UNC5D: variants seen among roughly 807,000 people sequenced by gnomAD.
UNC5D encodes netrin receptor UNC5D.
UNC5D carries 39 observed loss-of-function variants against 105.4 expected under a neutral mutation model. The ratio of observed to expected loss-of-function variants is 0.37; its 90% CI spans 0.29 to 0.48. The LOEUF (loss-of-function observed/expected upper bound fraction) is 0.48, where lower values mean the gene tolerates loss of function less well. Among genes scored for constraint, UNC5D ranks in the 20% least tolerant of loss-of-function variants. The pLI is 0.98. For missense variants in UNC5D, 991 were observed against 1,202.4 expected (o/e 0.82, Z 2.60); for synonymous variants, 452 against 450.4 (o/e 1.00, Z -0.04).
chr8:35,378,446 C>T (rs1292821853), intron 1 of UNC5D, among the ~76,000 whole-genome samples: 1 of 152,132 alleles, frequency 6.6e-6, no homozygotes, highest in Non-Finnish European at 1.5e-5. Context: ...GTGCTTCAAG[C>T]ATTTTTGCAA....
chr8:35,577,196 A>G (rs1041923576), intron 3 of UNC5D, among the ~76,000 whole-genome samples: 2 of 152,230 alleles, frequency 1.3e-5, no homozygotes, highest in Non-Finnish European at 2.9e-5. Flanking sequence ...CATAACTAGT[A>G]TCATTATCAA....
chr8:35,384,084 C>T (rs1803218191), intron 1 of UNC5D, among the ~76,000 whole-genome samples: 2 of 151,830 alleles, frequency 1.3e-5, no homozygotes, highest in Admixed American at 6.6e-5. Context: ...GGCATGGTGG[C>T]GGGCACCTGT....
At chr8:35,249,931 T>G (rs1803577950) in intron 1 of UNC5D, among the ~76,000 whole-genome samples, 1 of 152,114 alleles carries the variant, frequency 6.6e-6, no homozygotes, top group Non-Finnish European at 1.5e-5. Context: ...AGCCATTTTT[T>G]TTTTTCAAAA....
At chr8:35,325,154 A>G (rs1328681123) in intron 1 of UNC5D, among the ~76,000 whole-genome samples, 3 of 152,192 alleles carry the variant, frequency 2.0e-5, no homozygotes, top group African/African-American at 7.2e-5. Context: ...GAGGGAAATG[A>G]CAAAGCATTC....
intron 1 of UNC5D, among the ~76,000 whole-genome samples, chr8:35,470,366 A>T (rs1456020995): frequency 6.6e-6 from 1 of 151,972 alleles, no homozygotes; most frequent in Non-Finnish European, 1.5e-5. Context: ...GCAGGTCATG[A>T]CACCTTGTTG....
intron 1 of UNC5D, among the ~76,000 whole-genome samples, chr8:35,338,657 T>C (rs962906863): frequency 6.6e-6 from 1 of 152,156 alleles, no homozygotes; most frequent in Non-Finnish European, 1.5e-5. Flanking sequence ...TCTGCTCCCA[T>C]CTCTGACTTC....
intron 1 of UNC5D, among the ~76,000 whole-genome samples, chr8:35,263,409 C>T (rs1804623352): frequency 6.6e-6 from 1 of 151,986 alleles, no homozygotes; most frequent in African/African-American, 2.4e-5. Flanking sequence ...TAATTAAAAG[C>T]ATTTTTTTTT....
At position 35,289,995 on chromosome 8, in the gene UNC5D, C is replaced by G. The variant is rs1210717262; in HGVS notation, c.103+54108C>G. 3.3e-5 allele frequency among the ~76,000 whole-genome samples: 5 copies of G among 152,186 alleles called. No individual in the cohort carries two copies. The South Asian group carries it at 8.3e-4, about 25-fold the overall frequency. ...ATAAATTATATAATGGGTATCACCT[C>G]ATACCCATTAGAATGTCTTTATCAA... On this transcript the variant is annotated intron_variant, in intron 1 of 16. Coordinates refer to ENST00000404895, the MANE Select transcript of UNC5D (RefSeq NM_080872.4).
chr8:35,670,292 G>C (rs1824696169), intron 4 of UNC5D, among the ~76,000 whole-genome samples: 1 of 152,112 alleles, frequency 6.6e-6, no homozygotes, highest in African/African-American at 2.4e-5. Flanking sequence ...ATGATAAGGG[G>C]TAAATATTTG....
At chr8:35,646,824 A>G (rs1289557337) in intron 4 of UNC5D, among the ~76,000 whole-genome samples, 8 of 152,196 alleles carry the variant, frequency 5.3e-5, no homozygotes, top group Admixed American at 5.2e-4. Context: ...TTTTAAAAGA[A>G]TAACTCTGAC....
At position 35,437,920 on chromosome 8, in the gene UNC5D, G is replaced by A. The variant is rs141643851; in HGVS notation, c.104-111372G>A. Among the ~76,000 whole-genome samples the A allele has an allele frequency of 6.4e-4, 97 of 151,850 alleles. No homozygotes were observed. In the South Asian group the frequency reaches 7.7e-3, roughly 12 times the overall value. On this transcript the variant is annotated intron_variant, in intron 1 of 16. Coordinates refer to ENST00000404895, the MANE Select transcript of UNC5D (RefSeq NM_080872.4). ...TAAACTGATTGGATTTCTCTCATGA[G>A]AAGTCAGAATATTGAATCTTATGGT... is the stretch of plus-strand genomic sequence containing the variant.
chr8:35,615,678 CTCTTA>C (rs1401340103), intron 4 of UNC5D, among the ~76,000 whole-genome samples: 1 of 151,954 alleles, frequency 6.6e-6, no homozygotes, highest in Non-Finnish European at 1.5e-5. Context: ...TAAAATTTTT[CTCTTA>C]TATTTAATTT....
intron 1 of UNC5D, among the ~76,000 whole-genome samples, chr8:35,421,789 G>A (rs1043955654): frequency 6.6e-6 from 1 of 152,084 alleles, no homozygotes; most frequent in Non-Finnish European, 1.5e-5. Flanking sequence ...TTCAGGTTTA[G>A]ATTACTCTTG....
intron 1 of UNC5D, among the ~76,000 whole-genome samples, chr8:35,427,945 T>C (rs568928613): frequency 6.6e-6 from 1 of 152,292 alleles, no homozygotes; most frequent in South Asian, 2.1e-4. Context: ...GACTGTATCA[T>C]AGAGTCCTGG....
At chr8:35,359,570 C>A (rs1293718960) in intron 1 of UNC5D, among the ~76,000 whole-genome samples, 1 of 152,178 alleles carries the variant, frequency 6.6e-6, no homozygotes. Flanking sequence ...AAAGTTTCCA[C>A]TTATACCATA....
At chr8:35,735,094 ATAAAAT>A (rs1162823298) in intron 11 of UNC5D, among the ~76,000 whole-genome samples, 1 of 152,148 alleles carries the variant, frequency 6.6e-6, no homozygotes, top group African/African-American at 2.4e-5. Flanking sequence ...GATCATTTTA[ATAAAAT>A]TAAAGTATTC....
rs533404702 is a variant in UNC5D at position 35,462,776 on chromosome 8, C to T, written c.104-86516C>T. Among the ~76,000 whole-genome samples, 6 of 152,244 alleles carry T rather than the reference C, an allele frequency of 3.9e-5. No individual in the cohort carries two copies. The East Asian group carries it at 7.7e-4, about 20-fold the overall frequency. On this transcript the variant is annotated intron_variant, in intron 1 of 16. Coordinates refer to ENST00000404895, the MANE Select transcript of UNC5D (RefSeq NM_080872.4). ...CCAAAGGAGTAAGAGCAAATTACTTCGTTCTTGCCAAAGTCACTGCCCTAT... is the reference window on the plus strand; with the variant it reads ...CCAAAGGAGTAAGAGCAAATTACTTTGTTCTTGCCAAAGTCACTGCCCTAT...
At chr8:35,416,192 A>T (rs1039521494) in intron 1 of UNC5D, among the ~76,000 whole-genome samples, 12 of 150,874 alleles carry the variant, frequency 8.0e-5, no homozygotes, top group East Asian at 1.9e-4. Context: ...ATTAAAAATT[A>T]AAAAAAAAGG....
chr8:35,523,575 GCT>G (rs1491327225), intron 1 of UNC5D, among the ~76,000 whole-genome samples: 35 of 127,586 alleles, frequency 2.7e-4, no homozygotes, highest in African/African-American at 9.2e-4. Flanking sequence ...TTAGTAATGT[GCT>G]CTTTTTTTTT....
Sources: allele counts gnomAD v4.1 joint callset (sites outside exome capture counted in the v4.1 genomes callset), GRCh38; gene constraint gnomAD v4.1.1; transcripts MANE v1.5; gene names NCBI Gene and HGNC (gene_info 2026-07-23, HGNC 2026-07-21).